The following SMAD3 variants were observed in gnomAD, a reference collection of about 807,000 sequenced individuals.
SMAD3 encodes the protein SMAD family member 3.
Under a neutral mutation model 51.8 loss-of-function variants are expected in SMAD3, and 12 were observed. The observed-to-expected ratio is 0.23, with a 90% CI of 0.15 to 0.38. SMAD3 has a LOEUF of 0.38. Among genes scored for constraint, SMAD3 ranks in the 10% least tolerant of loss-of-function variants. The pLI is 1.00. For missense variants in SMAD3, 294 were observed against 565.6 expected, an observed-to-expected ratio of 0.52 and a Z score of 4.87; for synonymous variants, 238 against 227.7, an observed-to-expected ratio of 1.05 and a Z score of -0.41.
At chr15:67,123,059 A>G (rs990482117) in intron 1 of SMAD3, among the ~76,000 whole-genome samples, 2 of 151,910 alleles carry the variant, frequency 1.3e-5, no homozygotes, top group Admixed American at 6.6e-5. Context: ...TTAGCTGGGC[A>G]TGGTGGTGTG....
Position 67,112,728 on chromosome 15 carries a change from C to A in SMAD3, c.206+46368C>A, listed in dbSNP as rs1961045751. On this transcript the variant is annotated intron_variant, in intron 1 of 8. Coordinates refer to ENST00000327367, the MANE Select transcript of SMAD3 (RefSeq NM_005902.4). The stretch of plus-strand genomic sequence containing the variant: ...GAAACTGTTGCTTAATCCAGGGTCA[C>A]AAAAATTTACTCCCTTGCATTCTTC... 1.5e-5 allele frequency among the ~76,000 whole-genome samples: 2 copies of A among 132,556 alleles called. 1 individual carries two copies. The highest frequency in any genetic ancestry group is 5.3e-4 in the South Asian group (2 of 3,774). 87.0% of individuals were successfully genotyped at this position (132,556 alleles called of 152,430 possible).
chr15:67,095,551 CT>C (rs5813425), intron 1 of SMAD3, among the ~76,000 whole-genome samples: 89,281 of 149,784 alleles, frequency 0.6, 26,724 homozygotes, highest in East Asian at 0.8. Context: ...GCTTGAAATC[CT>C]TTTTTTTTTT....
At chr15:67,109,032 G>A (rs917590056) in intron 1 of SMAD3, among the ~76,000 whole-genome samples, 15 of 152,120 alleles carry the variant, frequency 9.9e-5, no homozygotes, top group Non-Finnish European at 5.9e-5. Flanking sequence ...TCTTGTTGAC[G>A]AAGACCAGTT....
intron 1 of SMAD3, among the ~76,000 whole-genome samples, chr15:67,079,071 C>T (rs1388749116): frequency 3.9e-5 from 6 of 151,912 alleles, no homozygotes; most frequent in African/African-American, 7.3e-5. Context: ...CTCTGCTTCC[C>T]GGATTCAGGC....
intron 7 of SMAD3, 31 bp downstream of exon 7, chr15:67,184,895 G>A (rs951444228): frequency 1.2e-6 from 2 of 1,612,112 alleles, no homozygotes; most frequent in Non-Finnish European, 1.7e-6. Flanking sequence ...CCCCTGCCTT[G>A]AGGTCCCTCT....
intron 1 of SMAD3, among the ~76,000 whole-genome samples, chr15:67,154,824 A>G (rs933702753): frequency 2.6e-5 from 4 of 152,174 alleles, no homozygotes; most frequent in Non-Finnish European, 5.9e-5. Flanking sequence ...TTTAAAAAAA[A>G]ATTAAAAACA....
intron 1 of SMAD3, among the ~76,000 whole-genome samples, chr15:67,142,486 C>T (rs1191698510): frequency 2.0e-5 from 3 of 152,112 alleles, no homozygotes; most frequent in Admixed American, 6.6e-5. Flanking sequence ...TAATGCTGCT[C>T]CCACCTTTGT....
At chr15:67,113,351 A>G (rs929530367) in intron 1 of SMAD3, among the ~76,000 whole-genome samples, 1 of 151,880 alleles carries the variant, frequency 6.6e-6, no homozygotes, top group African/African-American at 2.4e-5. Context: ...GGGCCTCCCA[A>G]AGTGCTGGGA....
intron 4 of SMAD3, among the ~76,000 whole-genome samples, chr15:67,168,019 T>G (rs919148115): frequency 1.3e-5 from 2 of 152,286 alleles, no homozygotes; most frequent in African/African-American, 4.8e-5. Flanking sequence ...AGTAGCGCGA[T>G]CTCAGCTTAC....
intron 7 of SMAD3, among the ~76,000 whole-genome samples, chr15:67,186,383 G>A (rs922114972): frequency 6.6e-6 from 1 of 152,222 alleles, no homozygotes; most frequent in Non-Finnish European, 1.5e-5. Context: ...TGAGTTGGCT[G>A]TGGTGTTGTT....
In SMAD3 at chr15:67,066,271, C is replaced by T. The variant is rs1595882130; in HGVS notation, c.117C>T (p.Val39=). The part of the protein sequence containing the change: ...KWCEKAVKSL[V]KKLKKTGQLD... ...GCGAGAAGGCGGTCAAGAGCCTGGT[C>T]AAGAAACTCAAGAAGACGGGGCAGC... is the stretch of plus-strand genomic sequence containing the variant. Residue 39 remains valine, a synonymous_variant, in exon 1 of 9, where the codon GTC becomes GTT. Transcript: ENST00000327367. 6.2e-7 allele frequency: 1 copy of T among 1,613,768 alleles called. No individual in the cohort carries two copies. The highest frequency in any genetic ancestry group is 8.5e-7 in the Non-Finnish European group (1 of 1,179,886).
chr15:67,166,616 G>A (rs892581705), intron 3 of SMAD3, 163 bp from the exon 4 acceptor site: 8 of 688,346 alleles, frequency 1.2e-5, no homozygotes, highest in African/African-American at 1.8e-5. Context: ...GGACAGGGGC[G>A]AGGACAACAG....
chr15:67,083,603 C>T (rs147404892), intron 1 of SMAD3, among the ~76,000 whole-genome samples: 5 of 152,264 alleles, frequency 3.3e-5, no homozygotes, highest in Admixed American at 6.5e-5. Flanking sequence ...GTCAGAATTG[C>T]AGTTCAAACT....
chr15:67,168,865 G>A (rs559682279), intron 4 of SMAD3, among the ~76,000 whole-genome samples: 1 of 152,240 alleles, frequency 6.6e-6, no homozygotes, highest in African/African-American at 2.4e-5. Context: ...TAGTCCAGTT[G>A]CTCACGGGCT....
intron 1 of SMAD3, among the ~76,000 whole-genome samples, chr15:67,096,369 C>A (rs951403065): frequency 5.9e-5 from 9 of 152,154 alleles, no homozygotes; most frequent in African/African-American, 2.2e-4. Flanking sequence ...TCTGGTACAT[C>A]ACAAAATGCA....
chr15:67,172,528 G>C (rs1962779521), intron 5 of SMAD3, among the ~76,000 whole-genome samples: 1 of 152,264 alleles, frequency 6.6e-6, no homozygotes. Context: ...ATAGCTGGAA[G>C]GGGGTGAGAT....
chr15:67,143,136 A>G (rs747097322), intron 1 of SMAD3: 1 of 202,854 alleles, frequency 4.9e-6, no homozygotes, highest in Non-Finnish European at 1.0e-5. Flanking sequence ...TGTCAGCCAG[A>G]ATGGTACTTT....
intron 5 of SMAD3, among the ~76,000 whole-genome samples, chr15:67,173,256 G>A (rs1962801270): frequency 1.3e-5 from 2 of 152,106 alleles, no homozygotes; most frequent in African/African-American, 4.8e-5. Flanking sequence ...CAGCCTGGGG[G>A]CGGGGAGGGG....
chr15:67,149,976 A>G (rs1217198096), intron 1 of SMAD3, among the ~76,000 whole-genome samples: 1 of 152,182 alleles, frequency 6.6e-6, no homozygotes, highest in Admixed American at 6.5e-5. Context: ...CCAGCTCCCC[A>G]TTCATACCCA....
Sources: allele counts gnomAD v4.1 joint callset (sites outside exome capture counted in the v4.1 genomes callset), GRCh38; gene constraint gnomAD v4.1.1; transcripts MANE v1.5; gene names NCBI Gene and HGNC (gene_info 2026-07-23, HGNC 2026-07-21).